ATG7: variants seen among roughly 807,000 people sequenced by gnomAD.
The protein encoded by ATG7 is ubiquitin-like modifier-activating enzyme ATG7.
A neutral mutation model predicts 82.4 loss-of-function variants in ATG7; 70 were observed. That is an observed-to-expected ratio of 0.85 (90% CI 0.70 to 1.04). ATG7 has a LOEUF of 1.04. ATG7 is among the 50% of genes least tolerant of loss of function. The probability of loss-of-function intolerance (pLI) is 0.00; values close to 1 mark genes in which losing one functional copy is unlikely to be tolerated. For missense variants in ATG7, 792 were observed against 864.3 expected, an observed-to-expected ratio of 0.92 and a Z score of 1.05; for synonymous variants, 287 against 313.0, an observed-to-expected ratio of 0.92 and a Z score of 0.88.
Position 11,422,006 on chromosome 3 carries a change from G to A in ATG7, c.1957-4798G>A, listed in dbSNP as rs537208381. On this transcript the variant is annotated intron_variant, in intron 19 of 20. Coordinates refer to ENST00000693202, the MANE Select transcript of ATG7 (RefSeq NM_001349232.2). Reference sequence around the variant, plus strand: ...CTTAAGATATTCAGTAAACTGTGCCGTAAACAGATGTGCTGTTACCCAGAT... The same window carrying A: ...CTTAAGATATTCAGTAAACTGTGCCATAAACAGATGTGCTGTTACCCAGAT... Among the ~76,000 whole-genome samples the A allele has an allele frequency of 2.2e-4, 34 of 152,262 alleles. No homozygotes were observed. The South Asian group carries it at 3.5e-3, about 16-fold the overall frequency.
intron 20 of ATG7, among the ~76,000 whole-genome samples, chr3:11,537,809 G>A (rs764609039): frequency 6.6e-6 from 1 of 152,200 alleles, no homozygotes; most frequent in Non-Finnish European, 1.5e-5. Context: ...GTAAAATGGA[G>A]AGATGTATTT....
At chr3:11,315,317 G>A (rs986310727) in intron 8 of ATG7, 27 bp from the exon 9 acceptor site, 11 of 1,512,832 alleles carry the variant, frequency 7.3e-6, no homozygotes, top group Non-Finnish European at 9.7e-6. Context: ...ATTTTCTAGA[G>A]AATAACAACG....
At chr3:11,404,824 G>T (rs1008445686) in intron 19 of ATG7, among the ~76,000 whole-genome samples, 1 of 152,020 alleles carries the variant, frequency 6.6e-6, no homozygotes, top group African/African-American at 2.4e-5. Flanking sequence ...ATCAGATCTC[G>T]TGAGACTTAT....
intron 19 of ATG7, among the ~76,000 whole-genome samples, chr3:11,391,575 G>T (rs994296988): frequency 7.2e-5 from 11 of 152,186 alleles, no homozygotes; most frequent in African/African-American, 2.4e-4. Flanking sequence ...CCAGCACAGC[G>T]GTTCTTGTCC....
chr3:11,396,363 C>T (rs1055517141), intron 19 of ATG7, among the ~76,000 whole-genome samples: 5 of 151,930 alleles, frequency 3.3e-5, no homozygotes, highest in Non-Finnish European at 7.4e-5. Context: ...TTGCTTGAGC[C>T]CAGAAGTTTG....
At chr3:11,553,773 G>A (rs1172501914) in intron 20 of ATG7, among the ~76,000 whole-genome samples, 1 of 152,160 alleles carries the variant, frequency 6.6e-6, no homozygotes, top group African/African-American at 2.4e-5. Context: ...GGGTCCTCAG[G>A]AGAGAGGAAA....
chr3:11,397,826 T>C (rs2079450427), intron 19 of ATG7, among the ~76,000 whole-genome samples: 1 of 145,868 alleles, frequency 6.9e-6, no homozygotes, highest in Admixed American at 6.8e-5. Flanking sequence ...CTCACACCTG[T>C]AATCCCGGCA....
At chr3:11,575,810 A>C in the ATG7 span, among the ~76,000 whole-genome samples, 1 of 152,132 alleles carries the variant, frequency 6.6e-6, no homozygotes, top group African/African-American at 2.4e-5. Context: ...TCTGGGGCCA[A>C]CCCCTGCAAC....
chr3:11,539,075 A>G (rs1406661498), intron 20 of ATG7, among the ~76,000 whole-genome samples: 1 of 143,022 alleles, frequency 7.0e-6, no homozygotes, highest in African/African-American at 2.6e-5. Flanking sequence ...CTTACCACAA[A>G]ATGTTAATGA....
In ATG7 at chr3:11,315,447, C is replaced by T; in HGVS notation, c.632C>T (p.Ser211Phe). The change falls in exon 9 of 21, where the codon TCC (serine) becomes TTC (phenylalanine). Residue 211 changes from serine to phenylalanine, a missense_variant. Transcript: ENST00000693202. ...TATGATGAGAACATGGTGCTGGTTT[C>T]CTTGCTTAAACACTACAGTGATTTC... The part of the protein sequence containing the change: ...IKYDENMVLV[S>F]LLKHYSDFFQ... 4.3e-6 allele frequency: 7 copies of T among 1,612,324 alleles called. No homozygotes were observed. Among genetic ancestry groups the T allele is most frequent in the Non-Finnish European group, 5.1e-6 (6 of 1,179,348 alleles).
chr3:11,351,531 G>A lies in ATG7; in HGVS notation c.1284+3496G>A, dbSNP rs80274266. Among the ~76,000 whole-genome samples the A allele has an allele frequency of 7.9e-3, 1,206 of 152,292 alleles. 11 individuals are homozygous for A. Among genetic ancestry groups the A allele is most frequent in the Middle Eastern group, 0.024 (7 of 294 alleles). On this transcript the variant is annotated intron_variant, in intron 14 of 20. Coordinates refer to ENST00000693202, the MANE Select transcript of ATG7 (RefSeq NM_001349232.2). ...GAGGAGGAAGAGAAGGCTGAGGTGG[G>A]AGCAAGGGACGCCATGCTGGGCCTG... is the stretch of plus-strand genomic sequence containing the variant.
At chr3:11,429,895 G>T (rs1249191298) in intron 20 of ATG7, among the ~76,000 whole-genome samples, 1 of 140,064 alleles carries the variant, frequency 7.1e-6, no homozygotes, top group African/African-American at 2.6e-5. Context: ...GCAGTGAGCT[G>T]AAATCGCGCG....
intron 18 of ATG7, among the ~76,000 whole-genome samples, chr3:11,375,667 C>A (rs1487299089): frequency 6.6e-6 from 1 of 152,212 alleles, no homozygotes; most frequent in African/African-American, 2.4e-5. Flanking sequence ...TCAAGCAATT[C>A]TTCTGCCTCA....
intron 15 of ATG7, among the ~76,000 whole-genome samples, chr3:11,358,851 T>TA (rs2076102536): frequency 6.6e-6 from 1 of 152,358 alleles, no homozygotes. Context: ...CACTGAAAGA[T>TA]ATACTGTACT....
chr3:11,317,559 C>T (rs976019287), intron 9 of ATG7, among the ~76,000 whole-genome samples: 4 of 151,064 alleles, frequency 2.6e-5, no homozygotes, highest in East Asian at 1.9e-4. Context: ...TGTCTGATTC[C>T]GAAGCCTATG....
At chr3:11,346,175 G>C (rs919470535) in intron 13 of ATG7, among the ~76,000 whole-genome samples, 1 of 152,160 alleles carries the variant, frequency 6.6e-6, no homozygotes, top group Non-Finnish European at 1.5e-5. Context: ...TGCAATGTCT[G>C]CTAAAGCTTT....
chr3:11,285,953 C>T (rs1227459765), intron 3 of ATG7, among the ~76,000 whole-genome samples: 1 of 152,228 alleles, frequency 6.6e-6, no homozygotes, highest in African/African-American at 2.4e-5. Context: ...CTCTTTCAGT[C>T]TGGGACAGCT....
At chr3:11,401,873 T>G (rs2079868242) in intron 19 of ATG7, among the ~76,000 whole-genome samples, 1 of 152,210 alleles carries the variant, frequency 6.6e-6, no homozygotes, top group Admixed American at 6.5e-5. Context: ...TAACCTACGG[T>G]GATCCTTTTA....
chr3:11,328,700 T>A (rs1242383586), intron 9 of ATG7, among the ~76,000 whole-genome samples: 1 of 152,196 alleles, frequency 6.6e-6, no homozygotes, highest in Non-Finnish European at 1.5e-5. Flanking sequence ...ATTTGGTACA[T>A]CAATACAATG....
Sources: allele counts gnomAD v4.1 joint callset (sites outside exome capture counted in the v4.1 genomes callset), GRCh38; gene constraint gnomAD v4.1.1; transcripts MANE v1.5; gene names NCBI Gene and HGNC (gene_info 2026-07-23, HGNC 2026-07-21).